The following CSMD2 variants were observed in gnomAD, a reference collection of about 807,000 sequenced individuals.
The protein encoded by CSMD2 is CUB and Sushi multiple domains 2.
In CSMD2, 130 loss-of-function variants were observed where a neutral mutation model predicts 398.5. The observed-to-expected ratio is 0.33, with a 90% CI of 0.28 to 0.38. The LOEUF (loss-of-function observed/expected upper bound fraction) is 0.38. Ranked by LOEUF, CSMD2 falls within the 10% of genes least tolerant of loss-of-function variation. CSMD2 has a pLI of 1.00. For synonymous variants in CSMD2, 1,828 were observed against 1,908.5 expected (o/e 0.96, Z 1.10); for missense variants, 3,829 against 4,764.9 (o/e 0.80, Z 5.78).
chr1:34,088,290 C>G (rs976306803), intron 2 of CSMD2, among the ~76,000 whole-genome samples: 15 of 152,224 alleles, frequency 9.9e-5, no homozygotes, highest in Non-Finnish European at 1.9e-4. Flanking sequence ...AGGCTTGTGA[C>G]AGACCCTGGC....
intron 5 of CSMD2, among the ~76,000 whole-genome samples, chr1:33,888,660 G>C (rs1217704549): frequency 6.6e-6 from 1 of 152,060 alleles, no homozygotes; most frequent in Admixed American, 6.6e-5. Context: ...AATAAATAGA[G>C]AAGACTATTT....
chr1:34,013,137 C>A (rs1194762968), intron 3 of CSMD2, among the ~76,000 whole-genome samples: 1 of 152,206 alleles, frequency 6.6e-6, no homozygotes, highest in Admixed American at 6.5e-5. Context: ...GGCAGTTCAG[C>A]CTTCCGGGGA....
chr1:34,141,840 G>T (rs1294555065), intron 1 of CSMD2, among the ~76,000 whole-genome samples: 4 of 152,172 alleles, frequency 2.6e-5, no homozygotes, highest in South Asian at 2.1e-4. Context: ...GGCAAAAGAA[G>T]AAGATGGCTC....
intron 3 of CSMD2, among the ~76,000 whole-genome samples, chr1:34,023,132 G>A (rs867205808): frequency 5.3e-5 from 8 of 152,150 alleles, no homozygotes; most frequent in African/African-American, 1.4e-4. Flanking sequence ...CACCACACTC[G>A]AAGGATTTAA....
At chr1:34,035,246 T>C (rs765951903) in intron 2 of CSMD2, among the ~76,000 whole-genome samples, 1 of 152,058 alleles carries the variant, frequency 6.6e-6, no homozygotes, top group Non-Finnish European at 1.5e-5. Context: ...AAGAAATATC[T>C]AGGCCTAGAT....
At chr1:34,054,812 G>C (rs1305473764) in intron 2 of CSMD2, among the ~76,000 whole-genome samples, 1 of 152,122 alleles carries the variant, frequency 6.6e-6, no homozygotes, top group African/African-American at 2.4e-5. Flanking sequence ...CTTATCGTGT[G>C]AGCTGGTGTG....
intron 1 of CSMD2, among the ~76,000 whole-genome samples, chr1:34,160,213 T>C (rs1641203272): frequency 6.6e-6 from 1 of 152,198 alleles, no homozygotes. Flanking sequence ...GATTCTAATC[T>C]CACCTTCAAC....
At chr1:33,804,408 C>G (rs1479057514) in intron 10 of CSMD2, among the ~76,000 whole-genome samples, 1 of 152,222 alleles carries the variant, frequency 6.6e-6, no homozygotes, top group Non-Finnish European at 1.5e-5. Context: ...CCCTGAGATA[C>G]TGATTTCCAA....
chr1:33,806,676 T>G (rs1223140809), intron 10 of CSMD2, among the ~76,000 whole-genome samples: 1 of 152,150 alleles, frequency 6.6e-6, no homozygotes, highest in Non-Finnish European at 1.5e-5. Flanking sequence ...CATAAGAGTA[T>G]GGAGCAAGAG....
intron 25 of CSMD2, among the ~76,000 whole-genome samples, chr1:33,689,109 T>A (rs1208018937): frequency 3.9e-5 from 4 of 103,450 alleles, no homozygotes; most frequent in African/African-American, 7.7e-5. Context: ...AGAGAGGGAG[T>A]GGGAAAGAAG....
chr1:33,742,182 C>A (rs1037187590), intron 14 of CSMD2, among the ~76,000 whole-genome samples: 11 of 152,164 alleles, frequency 7.2e-5, no homozygotes, highest in African/African-American at 2.7e-4. Flanking sequence ...TTGATTGTGT[C>A]CTAAACAAGA....
At chr1:33,802,546 A>G (rs542787659) in intron 10 of CSMD2, among the ~76,000 whole-genome samples, 5 of 152,252 alleles carry the variant, frequency 3.3e-5, no homozygotes, top group African/African-American at 1.2e-4. Flanking sequence ...GCTCCTTGCC[A>G]AGCCCAGGTA....
chr1:33,644,555 TTGTC>T (rs1472918580), intron 29 of CSMD2, among the ~76,000 whole-genome samples: 2 of 152,172 alleles, frequency 1.3e-5, no homozygotes, highest in African/African-American at 4.8e-5. Context: ...TTGTGCAGCT[TTGTC>T]TGGGTGTCCT....
intron 3 of CSMD2, among the ~76,000 whole-genome samples, chr1:33,981,202 C>A (rs1339163995): frequency 1.3e-5 from 2 of 152,138 alleles, no homozygotes; most frequent in Non-Finnish European, 2.9e-5. Flanking sequence ...GTCCTTACTC[C>A]CGGTTGTTTG....
chr1:33,708,924 C>T (rs111344351), intron 22 of CSMD2, among the ~76,000 whole-genome samples, 165 bp downstream of exon 22: 6 of 152,150 alleles, frequency 3.9e-5, no homozygotes, highest in Admixed American at 1.3e-4. Context: ...TACCCATATA[C>T]CCCTCTCTTT....
At chr1:33,840,423 T>C (rs1174456052) in intron 6 of CSMD2, among the ~76,000 whole-genome samples, 1 of 152,140 alleles carries the variant, frequency 6.6e-6, no homozygotes, top group Non-Finnish European at 1.5e-5. Flanking sequence ...ATCTCTCAGG[T>C]AGAAGTCATT....
chr1:34,113,604 G>T lies in CSMD2; in HGVS notation c.188-24411C>A, dbSNP rs184805861. Among the ~76,000 whole-genome samples, 528 of 152,300 alleles carry T rather than the reference G, an allele frequency of 3.5e-3. 3 individuals are homozygous for T. The highest frequency in any genetic ancestry group is 6.4e-3 in the Admixed American group (98 of 15,300). ...TTCTGCTGAGGGGCAGTGGGGGAAA[G>T]GTGCCTGGAGGAGGTGCCAGGGGCT... On this transcript the variant is annotated intron_variant, in intron 1 of 70. Transcript: ENST00000373381.
chr1:34,043,562 A>G (rs1652123105), intron 2 of CSMD2, among the ~76,000 whole-genome samples: 1 of 152,222 alleles, frequency 6.6e-6, no homozygotes, highest in African/African-American at 2.4e-5. Flanking sequence ...CCTTTTCACT[A>G]TATCACTAGT....
At chr1:33,733,594 G>C (rs557275887) in intron 15 of CSMD2, among the ~76,000 whole-genome samples, 5 of 152,098 alleles carry the variant, frequency 3.3e-5, no homozygotes, top group Non-Finnish European at 7.4e-5. Context: ...TAATCCCTGC[G>C]TGTCAAGGGC....
Sources: gnomAD v4.1 joint callset for allele counts (sites outside exome capture counted in the v4.1 genomes callset) on GRCh38, gnomAD v4.1.1 for gene constraint, MANE v1.5 for transcripts, NCBI Gene and HGNC (gene_info 2026-07-23, HGNC 2026-07-21) for gene names.